SAMD5: variants seen among roughly 807,000 people sequenced by gnomAD.
The protein encoded by SAMD5 is sterile alpha motif domain-containing protein 5.
A neutral mutation model predicts 11.3 loss-of-function variants in SAMD5; 13 were observed. That is an observed-to-expected ratio of 1.15 (90% confidence interval 0.75 to 1.83). The LOEUF is 1.83. Ranked by LOEUF, SAMD5 falls within the 40% of genes most tolerant of loss-of-function variation. SAMD5 has a pLI of 0.00. For synonymous variants in SAMD5, 129 were observed against 111.3 expected (o/e 1.16, Z -1.00); for missense variants, 255 against 239.1 (o/e 1.07, Z -0.44).
At chr6:147,686,896 A>ATTC (rs1337614072) in intron 1 of SAMD5, among the ~76,000 whole-genome samples, 2 of 152,044 alleles carry the variant, frequency 1.3e-5, no homozygotes, top group Non-Finnish European at 2.9e-5. Flanking sequence ...TATTATTATT[A>ATTC]TTATACTCTA....
chr6:147,590,149 T>C (rs1213355504), intron 1 of SAMD5, among the ~76,000 whole-genome samples: 1 of 152,102 alleles, frequency 6.6e-6, no homozygotes, highest in Non-Finnish European at 1.5e-5. Flanking sequence ...AGAAGGGAGG[T>C]TTATTTATCC....
At chr6:147,671,889 A>ATTTTTTTTTTTTTTT (rs56865442) in intron 1 of SAMD5, among the ~76,000 whole-genome samples, 8 of 98,060 alleles carry the variant, frequency 8.2e-5, no homozygotes, top group African/African-American at 1.6e-4. Flanking sequence ...CTTTTTCAGG[A>ATTTTTTTTTTTTTTT]TTTTTTTTTT....
At chr6:147,831,781 A>AT in the SAMD5 span, among the ~76,000 whole-genome samples, 2 of 150,436 alleles carry the variant, frequency 1.3e-5, no homozygotes, top group South Asian at 2.1e-4. Context: ...TCTCAGCTGA[A>AT]TTTTTTTTTT....
chr6:147,752,613 G>A, the SAMD5 span, among the ~76,000 whole-genome samples: 1 of 151,938 alleles, frequency 6.6e-6, no homozygotes, highest in Non-Finnish European at 1.5e-5. Context: ...TACTTTTACT[G>A]GAAACATGCA....
At chr6:147,510,446 T>A (rs1788071497) in intron 1 of SAMD5, among the ~76,000 whole-genome samples, 1 of 152,054 alleles carries the variant, frequency 6.6e-6, no homozygotes, top group African/African-American at 2.4e-5. Flanking sequence ...AGCTTAAAAA[T>A]CAAGACTTAG....
chr6:147,886,568 G>C, the SAMD5 span, among the ~76,000 whole-genome samples: 1 of 152,104 alleles, frequency 6.6e-6, no homozygotes, highest in African/African-American at 2.4e-5. Context: ...ATAGGGCAAA[G>C]GTGATGGGAG....
chr6:147,729,785 T>C (rs1377894462), intron 1 of SAMD5: 1 of 456,396 alleles, frequency 2.2e-6, no homozygotes, highest in Non-Finnish European at 4.4e-6. Context: ...GCCTGATGTG[T>C]TCAAGAAACA....
Position 147,515,145 on chromosome 6 carries a change from C to T in SAMD5, c.459+5758C>T, listed in dbSNP as rs550510812. ...CAGCTTTCTCCAACTCAATCAGTGT[C>T]CTCAAATACCCTCAACCTATATCCT... On this transcript the variant is annotated intron_variant, in intron 1 of 1. Transcript: ENST00000367474. Among the ~76,000 whole-genome samples the T allele has an allele frequency of 3.5e-5, 5 of 144,266 alleles. No individual in the cohort carries two copies. In the South Asian group the frequency reaches 6.8e-4, roughly 20 times the overall value. 94.6% of individuals were successfully genotyped at this position (144,266 alleles called of 152,430 possible).
the SAMD5 span, among the ~76,000 whole-genome samples, chr6:147,861,922 C>T: frequency 2.6e-5 from 4 of 152,138 alleles, no homozygotes; most frequent in Admixed American, 6.5e-5. Flanking sequence ...CTGAGCATAG[C>T]GCCTTGCACA....
Position 147,565,233 on chromosome 6 carries a change from G to A in SAMD5, c.*777G>A. The A allele has an allele frequency of 1.0e-6, 1 of 985,828 alleles. No homozygotes were observed. The highest frequency in any genetic ancestry group is 4.7e-5 in the South Asian group (1 of 21,284). The allele number at this position is 985,828 out of a possible 1,614,324, so 61.1% of individuals were successfully genotyped here. ...CTTGCACTCTGTGGAGACTGCCAGG[G>A]CCGCAGCTCACAGCCTGTTCTGAGC... is the stretch of plus-strand genomic sequence containing the variant. On this transcript the variant is annotated 3_prime_UTR_variant, in exon 2 of 2. Transcript: ENST00000367474.
intron 1 of SAMD5, among the ~76,000 whole-genome samples, chr6:147,728,578 G>A (rs954534143): frequency 2.0e-5 from 3 of 152,268 alleles, no homozygotes; most frequent in East Asian, 3.9e-4. Flanking sequence ...ACATAGAACC[G>A]CGGGCTGAGT....
chr6:147,740,784 G>A (rs1280531546), downstream of SAMD5, among the ~76,000 whole-genome samples: 1 of 152,174 alleles, frequency 6.6e-6, no homozygotes, highest in East Asian at 1.9e-4. Flanking sequence ...AAGATCAAAT[G>A]AATTGCATAA....
At chr6:147,676,323 T>C (rs189125041) in intron 1 of SAMD5, among the ~76,000 whole-genome samples, 51 of 152,154 alleles carry the variant, frequency 3.4e-4, no homozygotes, top group African/African-American at 1.2e-3. Flanking sequence ...ATCTTGCCAT[T>C]CTTCAAATGC....
chr6:147,789,829 A>G, the SAMD5 span, among the ~76,000 whole-genome samples: 4 of 152,174 alleles, frequency 2.6e-5, no homozygotes, highest in African/African-American at 9.7e-5. Flanking sequence ...ATGTCCTTCA[A>G]TTGGGATTTG....
intron 1 of SAMD5, among the ~76,000 whole-genome samples, chr6:147,517,173 A>C (rs1263446838): frequency 6.6e-6 from 1 of 152,232 alleles, no homozygotes; most frequent in East Asian, 1.9e-4. Flanking sequence ...TGTAATGGAC[A>C]ACAATGATGT....
the SAMD5 span, among the ~76,000 whole-genome samples, chr6:147,926,759 T>G: frequency 6.6e-6 from 1 of 152,198 alleles, no homozygotes; most frequent in Non-Finnish European, 1.5e-5. Flanking sequence ...CATTCCTATG[T>G]CCAAGATGGT....
chr6:147,626,843 T>G (rs1583112766), intron 1 of SAMD5, among the ~76,000 whole-genome samples: 1 of 129,628 alleles, frequency 7.7e-6, no homozygotes, highest in Admixed American at 8.0e-5. Context: ...AGTGAAGCCA[T>G]ATGAAGTACT....
chr6:147,750,296 T>A, the SAMD5 span, among the ~76,000 whole-genome samples: 1 of 152,240 alleles, frequency 6.6e-6, no homozygotes, highest in East Asian at 1.9e-4. Flanking sequence ...TCTTTTTAGA[T>A]GAATGCAAAT....
chr6:147,691,320 T>A (rs1313602801), intron 1 of SAMD5, among the ~76,000 whole-genome samples: 1 of 152,156 alleles, frequency 6.6e-6, no homozygotes, highest in Non-Finnish European at 1.5e-5. Flanking sequence ...TAGAGAGATA[T>A]TTAACTCTAT....
Sources: gnomAD v4.1 joint callset for allele counts (sites outside exome capture counted in the v4.1 genomes callset) on GRCh38, gnomAD v4.1.1 for gene constraint, MANE v1.5 for transcripts, NCBI Gene and HGNC (gene_info 2026-07-23, HGNC 2026-07-21) for gene names.